MAF: variants seen among roughly 807,000 people sequenced by gnomAD.
MAF encodes the protein MAF bZIP transcription factor, also known as transcription factor Maf.
In MAF, 10 loss-of-function variants were observed where a neutral mutation model predicts 22.0. That is an observed-to-expected ratio of 0.45 (90% CI 0.28 to 0.77). The LOEUF (loss-of-function observed/expected upper bound fraction) is 0.77, where lower values mean the gene tolerates loss of function less well. Ranked by LOEUF, MAF falls within the 30% of genes least tolerant of loss-of-function variation. The pLI is 0.12. For missense variants in MAF, 544 were observed against 548.4 expected, an observed-to-expected ratio of 0.99 and a Z score of 0.08; for synonymous variants, 337 against 255.8, an observed-to-expected ratio of 1.32 and a Z score of -3.03.
the MAF span, among the ~76,000 whole-genome samples, chr16:79,334,859 G>GTA: frequency 1.4e-3 from 191 of 133,488 alleles, no homozygotes; most frequent in African/African-American, 4.5e-3. Context: ...GTGTGTGTGT[G>GTA]TGTATGTGTG....
the MAF span, among the ~76,000 whole-genome samples, chr16:79,334,892 GAACA>G: frequency 6.6e-6 from 1 of 150,890 alleles, no homozygotes; most frequent in Non-Finnish European, 1.5e-5. Flanking sequence ...TGTGTTTAAA[GAACA>G]TACATAGAGG....
the MAF span, among the ~76,000 whole-genome samples, chr16:79,246,799 C>T: frequency 6.6e-6 from 1 of 152,018 alleles, no homozygotes; most frequent in South Asian, 2.1e-4. Flanking sequence ...TGAGGTCACT[C>T]CAGTTGGAAA....
At chr16:79,505,108 G>T in the MAF span, among the ~76,000 whole-genome samples, 1 of 152,062 alleles carries the variant, frequency 6.6e-6, no homozygotes, top group Admixed American at 6.6e-5. Context: ...TTACCTACAA[G>T]GTAAGTTATT....
the MAF span, among the ~76,000 whole-genome samples, chr16:79,303,058 C>T: frequency 2.6e-5 from 4 of 152,108 alleles, no homozygotes; most frequent in Admixed American, 2.0e-4. Flanking sequence ...GCAAATGGCA[C>T]GATTTTCCAT....
the MAF span, among the ~76,000 whole-genome samples, chr16:79,543,778 C>T: frequency 7.2e-5 from 11 of 151,788 alleles, no homozygotes; most frequent in South Asian, 2.1e-4. Context: ...GCTCCGCCTC[C>T]GGGGTTCACG....
chr16:79,439,771 G>A, the MAF span, among the ~76,000 whole-genome samples: 7 of 152,332 alleles, frequency 4.6e-5, no homozygotes, highest in African/African-American at 1.7e-4. Context: ...AGTGCTGGAA[G>A]CACCAGCATG....
chr16:79,597,708 A>G (rs1913617424), intron 1 of MAF: 3 of 1,020,320 alleles, frequency 2.9e-6, no homozygotes, highest in African/African-American at 3.4e-5. Context: ...AAAAGTATGA[A>G]TGCCATGCTA....
the MAF span, among the ~76,000 whole-genome samples, chr16:79,424,861 C>G: frequency 6.6e-6 from 1 of 152,042 alleles, no homozygotes; most frequent in African/African-American, 2.4e-5. Context: ...ATGCTCCTAT[C>G]CAAGTCCCAA....
At chr16:79,204,110 C>G in the MAF span, 1 of 151,944 alleles carries the variant, frequency 6.6e-6, no homozygotes, top group African/African-American at 2.4e-5. Context: ...TTCTGCTTGG[C>G]TATTTCAAAC....
chr16:79,277,717 C>T, the MAF span, among the ~76,000 whole-genome samples: 1 of 152,182 alleles, frequency 6.6e-6, no homozygotes, highest in Non-Finnish European at 1.5e-5. Flanking sequence ...TACCTAATCC[C>T]CCTGAGCTTC....
the MAF span, among the ~76,000 whole-genome samples, chr16:79,371,890 G>A: frequency 5.3e-5 from 8 of 152,208 alleles, no homozygotes; most frequent in Non-Finnish European, 1.0e-4. Flanking sequence ...AACTCTGCCT[G>A]TTGGTAGGTT....
the MAF span, among the ~76,000 whole-genome samples, chr16:79,281,983 G>T: frequency 1.3e-5 from 2 of 152,088 alleles, no homozygotes; most frequent in Non-Finnish European, 2.9e-5. Context: ...TCCAACAGGA[G>T]TCCTGGTGTC....
At chr16:79,510,332 G>A in the MAF span, among the ~76,000 whole-genome samples, 5 of 152,278 alleles carry the variant, frequency 3.3e-5, no homozygotes, top group East Asian at 7.7e-4. Context: ...ACTGTTTCTC[G>A]AGAATCCTCT....
chr16:79,213,149 A>G, the MAF span, among the ~76,000 whole-genome samples: 1 of 152,088 alleles, frequency 6.6e-6, no homozygotes, highest in Non-Finnish European at 1.5e-5. Flanking sequence ...GAGAAAGTCC[A>G]CTCTGGCAAG....
the MAF span, among the ~76,000 whole-genome samples, chr16:79,466,368 C>T: frequency 2.0e-5 from 3 of 152,178 alleles, no homozygotes; most frequent in Non-Finnish European, 2.9e-5. Context: ...AATGAAATTG[C>T]CTCACTCTCA....
the MAF span, among the ~76,000 whole-genome samples, chr16:79,405,951 C>T: frequency 5.3e-5 from 8 of 152,218 alleles, no homozygotes; most frequent in East Asian, 1.9e-4. Context: ...TCACTGCCCA[C>T]GGCTTCTTTG....
chr16:79,424,338 A>G, the MAF span, among the ~76,000 whole-genome samples: 1 of 152,198 alleles, frequency 6.6e-6, no homozygotes, highest in Non-Finnish European at 1.5e-5. Context: ...CGAATTCAAT[A>G]CCACCGGCCA....
At chr16:79,376,306 T>C in the MAF span, among the ~76,000 whole-genome samples, 1 of 152,146 alleles carries the variant, frequency 6.6e-6, no homozygotes, top group Non-Finnish European at 1.5e-5. Context: ...CTGAATTTCT[T>C]GAAACTTCTT....
downstream of MAF, among the ~76,000 whole-genome samples, chr16:79,581,101 T>C (rs1426008695): frequency 1.3e-5 from 2 of 152,124 alleles, no homozygotes; most frequent in African/African-American, 4.8e-5. Flanking sequence ...TTCAACACTA[T>C]TAAATGTACA....
Sources: gnomAD v4.1 joint callset for allele counts (sites outside exome capture counted in the v4.1 genomes callset) on GRCh38, gnomAD v4.1.1 for gene constraint, MANE v1.5 for transcripts, NCBI Gene and HGNC (gene_info 2026-07-23, HGNC 2026-07-21) for gene names.